The following FRMPD2 variants were observed in gnomAD, a reference collection of about 807,000 sequenced individuals.
The protein encoded by FRMPD2 is FERM and PDZ domain-containing protein 2.
Under a neutral mutation model 140.1 loss-of-function variants are expected in FRMPD2, and 96 were observed. The ratio of observed to expected loss-of-function variants is 0.69; its 90% CI spans 0.58 to 0.81. The LOEUF (loss-of-function observed/expected upper bound fraction) is 0.81, where lower values mean the gene tolerates loss of function less well. FRMPD2 is among the 40% of genes least tolerant of loss of function. The pLI is 0.00. For synonymous variants in FRMPD2, 449 were observed against 547.6 expected (o/e 0.82, Z 2.52); for missense variants, 1,240 against 1,447.4 (o/e 0.86, Z 2.32).
At chr10:48,270,121 A>C (rs890316064) in intron 1 of FRMPD2, among the ~76,000 whole-genome samples, 1 of 152,252 alleles carries the variant, frequency 6.6e-6, no homozygotes, top group Non-Finnish European at 1.5e-5. Context: ...GACTAAGAAA[A>C]GTCATAAAAG....
intron 12 of FRMPD2, among the ~76,000 whole-genome samples, chr10:48,221,416 T>C (rs1839583635): frequency 6.6e-6 from 1 of 152,090 alleles, no homozygotes; most frequent in Admixed American, 6.5e-5. Flanking sequence ...AATGATACAA[T>C]GGACTTTGGG....
chr10:48,264,719 T>A (rs1285724173), intron 1 of FRMPD2, among the ~76,000 whole-genome samples: 1 of 152,172 alleles, frequency 6.6e-6, no homozygotes, highest in Non-Finnish European at 1.5e-5. Context: ...TGTTAAAATG[T>A]CATTTATTCT....
chr10:48,231,076 C>T (rs1677316680), intron 10 of FRMPD2, among the ~76,000 whole-genome samples: 1 of 152,188 alleles, frequency 6.6e-6, no homozygotes, highest in African/African-American at 2.4e-5. Context: ...CATTTCCCTT[C>T]AACGTGAGAG....
At chr10:48,209,804 A>G (rs1420298237) in intron 13 of FRMPD2, among the ~76,000 whole-genome samples, 1 of 152,262 alleles carries the variant, frequency 6.6e-6, no homozygotes, top group Admixed American at 6.5e-5. Context: ...GCTAAGATTT[A>G]TATGGAAAAG....
At position 48,184,657 on chromosome 10, in the gene FRMPD2, G is replaced by T. The variant is rs761449018; in HGVS notation, c.2493C>A (p.His831Gln). The part of the protein sequence containing the change: ...KPGGQILALN[H>Q]ISLEGFTFNM... ...TGAATGTGAAGCCCTCCAGACTGAT[G>T]TGATTCAGGGCTAGTATCTGCCCTC... The change falls in exon 20 of 29, where the codon CAC becomes CAA. Residue 831 changes from histidine to glutamine, a missense_variant. Coordinates refer to ENST00000374201, the MANE Select transcript of FRMPD2 (RefSeq NM_001018071.4). The T allele has an allele frequency of 5.6e-6, 9 of 1,612,986 alleles. No homozygotes were observed. The highest frequency in any genetic ancestry group is 7.6e-6 in the Non-Finnish European group (9 of 1,179,062).
In FRMPD2 at chr10:48,266,049, G is replaced by A. The variant is rs546149391; in HGVS notation, c.25+8494C>T. On this transcript the variant is annotated intron_variant, in intron 1 of 28. Coordinates refer to ENST00000374201, the MANE Select transcript of FRMPD2 (RefSeq NM_001018071.4). ...ATTATGCAGCCACAAAAAAGAATGAGATAATGCCCCTTTCAGGAACATGGT... is the reference window on the plus strand; with the variant it reads ...ATTATGCAGCCACAAAAAAGAATGAAATAATGCCCCTTTCAGGAACATGGT... Among the ~76,000 whole-genome samples the A allele has an allele frequency of 6.6e-5, 10 of 152,274 alleles. No homozygotes were observed. In the South Asian group the frequency reaches 2.1e-3, roughly 32 times the overall value.
chr10:48,239,144 T>A (rs1028418455), intron 7 of FRMPD2, among the ~76,000 whole-genome samples: 5 of 152,136 alleles, frequency 3.3e-5, no homozygotes, highest in African/African-American at 1.2e-4. Context: ...AGAAGCTGGA[T>A]AGCCGAGCCG....
In FRMPD2 at chr10:48,274,621, A is replaced by C; in HGVS notation, c.-54T>G. ...CTTCATCATGGGACAACTTTCCAAC[A>C]AGGAGCAGGGGTCTCTTGCAAGTCT... On this transcript the variant is annotated 5_prime_UTR_variant, in exon 1 of 29. Coordinates refer to ENST00000374201, the MANE Select transcript of FRMPD2 (RefSeq NM_001018071.4). The C allele has an allele frequency of 6.4e-7, 1 of 1,573,144 alleles. No individual in the cohort carries two copies. Among genetic ancestry groups the C allele is most frequent in the Non-Finnish European group, 8.7e-7 (1 of 1,143,946 alleles).
chr10:48,239,604 C>G lies in FRMPD2; in HGVS notation c.788+1G>C, dbSNP rs1840053485. 1.2e-6 allele frequency: 2 copies of G among 1,612,876 alleles called. No homozygotes were observed. The highest frequency in any genetic ancestry group is 1.7e-6 in the Non-Finnish European group (2 of 1,179,010). ...AGCACCCTTTAGGCCTTGCTGCTTA[C>G]CGGTTAACAAGGAGGCTGCAGTGAC... On this transcript the variant is annotated splice_donor_variant, in intron 7 of 28. Coordinates refer to ENST00000374201, the MANE Select transcript of FRMPD2 (RefSeq NM_001018071.4). LOFTEE classifies it high-confidence loss of function.
chr10:48,212,193 C>T (rs760217108), intron 12 of FRMPD2, 84 bp from the exon 13 acceptor site: 12 of 1,395,464 alleles, frequency 8.6e-6, no homozygotes, highest in Non-Finnish European at 1.2e-5. Context: ...TATCTGTAGT[C>T]ACAATTCCAG....
chr10:48,249,629 C>T (rs904686060), intron 2 of FRMPD2, among the ~76,000 whole-genome samples: 15 of 152,210 alleles, frequency 9.9e-5, no homozygotes, highest in African/African-American at 3.4e-4. Flanking sequence ...TGGGACCCAT[C>T]GCCCTCACAG....
intron 14 of FRMPD2, among the ~76,000 whole-genome samples, chr10:48,202,926 A>G (rs574635451): frequency 1.6e-4 from 24 of 152,030 alleles, no homozygotes; most frequent in African/African-American, 5.8e-4. Flanking sequence ...TCAGCCTCCC[A>G]AGTAGTTGGG....
chr10:48,251,212 A>G (rs984267613), intron 2 of FRMPD2, among the ~76,000 whole-genome samples: 2 of 152,206 alleles, frequency 1.3e-5, no homozygotes, highest in Non-Finnish European at 2.9e-5. Context: ...GCCCAGAGAC[A>G]GCCCATGTGC....
At chr10:48,257,173 T>C (rs1588858334) in intron 1 of FRMPD2, among the ~76,000 whole-genome samples, 2 of 149,076 alleles carry the variant, frequency 1.3e-5, no homozygotes, top group African/African-American at 2.5e-5. Flanking sequence ...CTGTTTTAAA[T>C]CTCCCAGTCT....
chr10:48,267,652 T>C (rs1169067271), intron 1 of FRMPD2, among the ~76,000 whole-genome samples: 1 of 152,176 alleles, frequency 6.6e-6, no homozygotes, highest in African/African-American at 2.4e-5. Flanking sequence ...AATTTCAAAA[T>C]GGGCAAAGGA....
intron 13 of FRMPD2, among the ~76,000 whole-genome samples, chr10:48,208,058 TATC>T (rs201559648): frequency 7.9e-5 from 12 of 151,260 alleles, no homozygotes; most frequent in South Asian, 6.3e-4. Context: ...TCATCATCAT[TATC>T]ATCATCATCA....
rs571501131 is a variant in FRMPD2, at chr10:48,265,769, A to T, written c.25+8774T>A. Among the ~76,000 whole-genome samples the T allele has an allele frequency of 6.6e-5, 10 of 152,338 alleles. No homozygotes were observed. The East Asian group carries it at 1.9e-3, about 29-fold the overall frequency. On this transcript the variant is annotated intron_variant, in intron 1 of 28. Coordinates refer to ENST00000374201, the MANE Select transcript of FRMPD2 (RefSeq NM_001018071.4). The stretch of plus-strand genomic sequence containing the variant: ...GGAATATTAATACATTGTTGGTGGG[A>T]GTGTAAATTAGTTCAACCATTGTGG...
intron 14 of FRMPD2, among the ~76,000 whole-genome samples, chr10:48,204,884 T>C (rs1268200903): frequency 6.6e-6 from 1 of 152,234 alleles, no homozygotes; most frequent in Non-Finnish European, 1.5e-5. Context: ...GGTTTTTGAT[T>C]GAACAATCAA....
chr10:48,174,824 G>A (rs781786564), intron 24 of FRMPD2, 46 bp downstream of exon 24: 5 of 693,038 alleles, frequency 7.2e-6, no homozygotes, highest in Admixed American at 4.4e-5. Flanking sequence ...TGTTGTTCAG[G>A]AAAGTTCCGG....
Sources: gnomAD v4.1 joint callset for allele counts (sites outside exome capture counted in the v4.1 genomes callset) on GRCh38, gnomAD v4.1.1 for gene constraint, MANE v1.5 for transcripts, NCBI Gene and HGNC (gene_info 2026-07-23, HGNC 2026-07-21) for gene names.